Variants in LCMT1 observed in about 807,000 individuals in gnomAD.
LCMT1 encodes leucine carboxyl methyltransferase 1, also known as [Phosphatase 2A protein]-leucine-carboxy methyltransferase 1.
A neutral mutation model predicts 47.7 loss-of-function variants in LCMT1; 32 were observed. The ratio of observed to expected loss-of-function variants is 0.67; its 90% CI spans 0.51 to 0.90. The LOEUF (loss-of-function observed/expected upper bound fraction) is 0.90. LCMT1 is among the 40% of genes least tolerant of loss of function. LCMT1 has a pLI of 0.00. For synonymous variants in LCMT1, 152 were observed against 149.7 expected, an observed-to-expected ratio of 1.02 and a Z score of -0.11; for missense variants, 375 against 415.2, an observed-to-expected ratio of 0.90 and a Z score of 0.84.
chr16:25,177,981 CTG>C lies in LCMT1; in HGVS notation c.983-14_983-13del. On this transcript the variant is annotated intron_variant, in intron 10 of 10. Transcript: ENST00000399069. ...GGCCACCAGAGTCTCCTAATGGTGT[CTG>C]TGTGTCTCTCCCCTCAGGGCTGAAG... is the stretch of plus-strand genomic sequence containing the variant. The C allele has an allele frequency of 6.2e-7, 1 of 1,613,126 alleles. No individual in the cohort carries two copies. Among genetic ancestry groups the C allele is most frequent in the Non-Finnish European group, 8.5e-7 (1 of 1,179,168 alleles).
intron 5 of LCMT1, among the ~76,000 whole-genome samples, chr16:25,152,351 G>A (rs959121795): frequency 1.3e-5 from 2 of 152,156 alleles, no homozygotes; most frequent in African/African-American, 4.8e-5. Context: ...ATCCTGACGT[G>A]GCCAAGAACT....
chr16:25,125,314 T>C (rs1437899818), intron 1 of LCMT1, among the ~76,000 whole-genome samples: 1 of 152,272 alleles, frequency 6.6e-6, no homozygotes, highest in Admixed American at 6.5e-5. Flanking sequence ...CACCTGATAC[T>C]ATAACTCTGT....
At chr16:25,135,906 C>T (rs1489641808) in intron 3 of LCMT1, among the ~76,000 whole-genome samples, 1 of 151,858 alleles carries the variant, frequency 6.6e-6, no homozygotes, top group Admixed American at 6.6e-5. Flanking sequence ...GCCTGGGCAT[C>T]ATGACAAAAC....
At position 25,170,752 on chromosome 16, in the gene LCMT1, G is replaced by A. The variant is rs199992076; in HGVS notation, c.831G>A (p.Ser277=). 4.3e-5 allele frequency: 69 copies of A among 1,613,458 alleles called. 1 individual carries two copies. The African/African-American group carries it at 8.4e-4, about 20-fold the overall frequency. Residue 277 remains serine, a synonymous_variant, in exon 9 of 11, where the codon TCG becomes TCA. Transcript: ENST00000399069. ...RLLSNGWETA[S]AVDMMELYNR... is the part of the protein sequence containing the mutation. ...TGTCGAATGGGTGGGAAACAGCATCGGCCGTCGACATGATGGAGTTGTACA... is the reference window on the plus strand; with the variant it reads ...TGTCGAATGGGTGGGAAACAGCATCAGCCGTCGACATGATGGAGTTGTACA...
chr16:25,164,779 C>G (rs1055493782), intron 7 of LCMT1, 61 bp downstream of exon 7: 66 of 1,608,152 alleles, frequency 4.1e-5, no homozygotes, highest in Non-Finnish European at 5.4e-5. Flanking sequence ...CTTCCCTCTC[C>G]CAGCACCCTT....
chr16:25,166,860 G>T (rs1961605505), intron 7 of LCMT1, among the ~76,000 whole-genome samples: 1 of 152,126 alleles, frequency 6.6e-6, no homozygotes, highest in African/African-American at 2.4e-5. Flanking sequence ...TATCCTGATG[G>T]ATGGATGTAA....
chr16:25,120,304 A>T (rs1290703439), intron 1 of LCMT1, among the ~76,000 whole-genome samples: 1 of 141,424 alleles, frequency 7.1e-6, no homozygotes, highest in South Asian at 2.3e-4. Flanking sequence ...GGTCACTGCA[A>T]CCTCCGCCTC....
chr16:25,164,768 G>A (rs769073236), intron 7 of LCMT1, 50 bp downstream of exon 7: 2 of 1,612,614 alleles, frequency 1.2e-6, no homozygotes, highest in South Asian at 2.2e-5. Context: ...CGCCGTGGTG[G>A]CTTCCCTCTC....
At chr16:25,138,972 G>A (rs903006316) in intron 3 of LCMT1, among the ~76,000 whole-genome samples, 2 of 151,232 alleles carry the variant, frequency 1.3e-5, no homozygotes, top group Middle Eastern at 3.2e-3. Context: ...ACGGAGTCTC[G>A]CTTTGTCGCC....
chr16:25,167,559 A>G (rs1168144173), intron 7 of LCMT1, among the ~76,000 whole-genome samples: 1 of 150,742 alleles, frequency 6.6e-6, no homozygotes. Context: ...CAGTTCTCCA[A>G]CCCCAGTCTC....
At chr16:25,172,000 C>T (rs1464333849) in intron 9 of LCMT1, among the ~76,000 whole-genome samples, 3 of 152,100 alleles carry the variant, frequency 2.0e-5, no homozygotes, top group East Asian at 3.9e-4. Flanking sequence ...TGAGGGTTGC[C>T]ATATCCCATT....
chr16:25,129,185 A>G (rs1960280116), intron 2 of LCMT1, among the ~76,000 whole-genome samples: 1 of 151,840 alleles, frequency 6.6e-6, no homozygotes, highest in Admixed American at 6.6e-5. Flanking sequence ...AACAAGTTTT[A>G]TAACACACTG....
intron 2 of LCMT1, among the ~76,000 whole-genome samples, chr16:25,131,080 G>A (rs1283896015): frequency 4.6e-5 from 7 of 152,230 alleles, no homozygotes; most frequent in Admixed American, 2.6e-4. Context: ...TGAGACAGGA[G>A]CCTGCCTTAT....
At chr16:25,132,078 G>T in intron 2 of LCMT1, 6 of 418,246 alleles carry the variant, frequency 1.4e-5, no homozygotes, top group African/African-American at 2.1e-5. Context: ...TTTCATTATA[G>T]CCATGAAAGG....
chr16:25,161,094 A>AT lies in LCMT1; in HGVS notation c.467-5dup. 1 of 1,562,332 alleles carries AT rather than the reference A, an allele frequency of 6.4e-7. No homozygotes were observed. The highest frequency in any genetic ancestry group is 8.8e-7 in the Non-Finnish European group (1 of 1,139,138). On this transcript the variant is annotated splice_polypyrimidine_tract_variant and splice_region_variant and intron_variant, in intron 5 of 10. Coordinates refer to ENST00000399069, the MANE Select transcript of LCMT1 (RefSeq NM_016309.3). ...CATTAAAATTATAGCCTCTGATTGC[A>AT]TTTGCAGATGGACACATACTGGATT...
chr16:25,140,080 A>G (rs1041344530), intron 3 of LCMT1, 91 bp from the exon 4 acceptor site: 17 of 880,214 alleles, frequency 1.9e-5, no homozygotes, highest in Admixed American at 1.3e-4. Flanking sequence ...CTTAAACACT[A>G]TTGCTCTTAG....
At chr16:25,149,994 G>A (rs1408264492) in intron 4 of LCMT1, among the ~76,000 whole-genome samples, 1 of 151,236 alleles carries the variant, frequency 6.6e-6, no homozygotes, top group Admixed American at 6.6e-5. Flanking sequence ...ATGAATGAAT[G>A]AATGGAAGAC....
At chr16:25,125,813 C>A in intron 1 of LCMT1, 1 of 194,090 alleles carries the variant, frequency 5.2e-6, no homozygotes, top group East Asian at 1.9e-4. Context: ...GCCTGGACAA[C>A]AAGAGCAAAA....
At chr16:25,119,053 T>G (rs1959887201) in intron 1 of LCMT1, among the ~76,000 whole-genome samples, 1 of 152,150 alleles carries the variant, frequency 6.6e-6, no homozygotes. Flanking sequence ...TAGTCGGCTG[T>G]GGGGGTGTCC....
Sources: gnomAD v4.1 joint callset for allele counts (sites outside exome capture counted in the v4.1 genomes callset) on GRCh38, gnomAD v4.1.1 for gene constraint, MANE v1.5 for transcripts, NCBI Gene and HGNC (gene_info 2026-07-23, HGNC 2026-07-21) for gene names.